SPATA6: variants seen among roughly 807,000 people sequenced by gnomAD.
SPATA6 encodes the protein spermatogenesis-associated protein 6.
Under a neutral mutation model 65.3 loss-of-function variants are expected in SPATA6, and 56 were observed. The ratio of observed to expected loss-of-function variants is 0.86; its 90% CI spans 0.69 to 1.07. SPATA6 has a LOEUF of 1.07. Among genes scored for constraint, SPATA6 ranks in the 50% least tolerant of loss-of-function variants. The pLI is 0.00. For missense variants in SPATA6, 590 were observed against 594.8 expected (o/e 0.99, Z 0.08); for synonymous variants, 199 against 213.2 (o/e 0.93, Z 0.58).
chr1:48,326,320 A>G (rs1645758230), intron 11 of SPATA6, among the ~76,000 whole-genome samples: 1 of 152,232 alleles, frequency 6.6e-6, no homozygotes, highest in Non-Finnish European at 1.5e-5. Context: ...GAATTCTACA[A>G]GGAGAAATAC....
chr1:48,300,161 C>A (rs918372485), intron 12 of SPATA6, among the ~76,000 whole-genome samples: 1 of 152,134 alleles, frequency 6.6e-6, no homozygotes, highest in Non-Finnish European at 1.5e-5. Flanking sequence ...GGATTAATAG[C>A]ACTTTTTATG....
chr1:48,376,893 AC>A (rs1191607143), intron 9 of SPATA6, among the ~76,000 whole-genome samples: 1 of 152,164 alleles, frequency 6.6e-6, no homozygotes. Flanking sequence ...TGTATATCAG[AC>A]CTAAACATAG....
intron 3 of SPATA6, among the ~76,000 whole-genome samples, chr1:48,438,311 C>A (rs1270305106): frequency 6.6e-6 from 1 of 152,118 alleles, no homozygotes; most frequent in South Asian, 2.1e-4. Flanking sequence ...CCATCGGACC[C>A]CTTTTGCTTA....
intron 9 of SPATA6, among the ~76,000 whole-genome samples, chr1:48,366,986 G>C (rs1053665564): frequency 6.6e-6 from 1 of 152,004 alleles, no homozygotes; most frequent in Admixed American, 6.6e-5. Flanking sequence ...AGAGATTCTG[G>C]TATGTTGTGT....
chr1:48,281,298 A>G, the SPATA6 span, among the ~76,000 whole-genome samples: 34 of 150,304 alleles, frequency 2.3e-4, no homozygotes, highest in African/African-American at 6.8e-4. Context: ...CTCTCTCACC[A>G]CTCCTATTCA....
chr1:48,349,809 TA>T (rs1646468388), intron 11 of SPATA6, among the ~76,000 whole-genome samples: 1 of 151,920 alleles, frequency 6.6e-6, no homozygotes, highest in African/African-American at 2.4e-5. Context: ...CATTCTTTTT[TA>T]TTGTTGAGTA....
At chr1:48,262,467 T>A in the SPATA6 span, 1 of 152,190 alleles carries the variant, frequency 6.6e-6, no homozygotes, top group Non-Finnish European at 1.5e-5. Context: ...GTAGATCATA[T>A]AACCTACCTT....
chr1:48,306,160 C>T (rs1645057259), intron 11 of SPATA6, among the ~76,000 whole-genome samples: 4 of 151,886 alleles, frequency 2.6e-5, no homozygotes, highest in Non-Finnish European at 5.9e-5. Flanking sequence ...AGGAATGAAT[C>T]CTGTGTCATG....
chr1:48,408,869 A>T (rs1434371904), intron 5 of SPATA6, among the ~76,000 whole-genome samples: 1 of 152,128 alleles, frequency 6.6e-6, no homozygotes, highest in Non-Finnish European at 1.5e-5. Flanking sequence ...TGATTCAATC[A>T]TCTCCCACCA....
chr1:48,425,918 GA>G (rs893416839), intron 3 of SPATA6, among the ~76,000 whole-genome samples: 119 of 147,588 alleles, frequency 8.1e-4, no homozygotes, highest in African/African-American at 2.7e-3. Context: ...TCTTTAAAAT[GA>G]AAAAAAAACA....
At chr1:48,294,577 G>C (rs1434579314), downstream of SPATA6, among the ~76,000 whole-genome samples, 4 of 152,160 alleles carry the variant, frequency 2.6e-5, no homozygotes, top group African/African-American at 4.8e-5. Flanking sequence ...ACTTCAAAAT[G>C]TGTTTTGTAT....
intron 12 of SPATA6, among the ~76,000 whole-genome samples, chr1:48,304,974 C>T (rs988259234): frequency 5.3e-5 from 8 of 152,108 alleles, no homozygotes; most frequent in Admixed American, 2.0e-4. Context: ...TTCAAATTTA[C>T]CTATAATAAA....
At chr1:48,464,588 G>GA (rs1657676078) in intron 1 of SPATA6, among the ~76,000 whole-genome samples, 1 of 152,030 alleles carries the variant, frequency 6.6e-6, no homozygotes, top group African/African-American at 2.4e-5. Flanking sequence ...TTTAAGAAGG[G>GA]AAAAAAGGGC....
At chr1:48,380,203 C>G (rs142447157) in intron 9 of SPATA6, among the ~76,000 whole-genome samples, 12 of 152,214 alleles carry the variant, frequency 7.9e-5, no homozygotes, top group Non-Finnish European at 1.5e-4. Context: ...CTTCATGGCT[C>G]TTTTCCATAT....
chr1:48,436,361 T>C (rs1654939300), intron 3 of SPATA6: 1 of 1,612,136 alleles, frequency 6.2e-7, no homozygotes, highest in Non-Finnish European at 8.5e-7. Context: ...GGCAGCTGGC[T>C]TTGGGTTATT....
intron 3 of SPATA6, among the ~76,000 whole-genome samples, chr1:48,443,612 T>C (rs1655726749): frequency 6.6e-6 from 1 of 152,198 alleles, no homozygotes; most frequent in Non-Finnish European, 1.5e-5. Context: ...AAAGGAGGAC[T>C]TTGCACCTTC....
At chr1:48,365,936 T>C (rs1414079973) in intron 9 of SPATA6, among the ~76,000 whole-genome samples, 1 of 152,222 alleles carries the variant, frequency 6.6e-6, no homozygotes, top group Non-Finnish European at 1.5e-5. Flanking sequence ...GGGTTTGTCA[T>C]AGATAGCTCT....
At chr1:48,449,626 G>T (rs762148895) in intron 3 of SPATA6, among the ~76,000 whole-genome samples, 1 of 152,208 alleles carries the variant, frequency 6.6e-6, no homozygotes, top group Non-Finnish European at 1.5e-5. Flanking sequence ...TAGGAAAAAA[G>T]AGAGAAATCG....
intron 1 of SPATA6, among the ~76,000 whole-genome samples, chr1:48,470,776 G>A (rs1658179899): frequency 6.6e-6 from 1 of 152,080 alleles, no homozygotes; most frequent in South Asian, 2.1e-4. Context: ...TGTACAGGAA[G>A]GAAATGCAGA....
Sources: gnomAD v4.1 joint callset for allele counts (sites outside exome capture counted in the v4.1 genomes callset) on GRCh38, gnomAD v4.1.1 for gene constraint, MANE v1.5 for transcripts, NCBI Gene and HGNC (gene_info 2026-07-23, HGNC 2026-07-21) for gene names.